The following TENM3 variants were observed in gnomAD, a reference collection of about 807,000 sequenced individuals.
TENM3 encodes teneurin-3.
TENM3 carries 63 observed loss-of-function variants against 255.1 expected under a neutral mutation model. The ratio of observed to expected loss-of-function variants is 0.25; its 90% confidence interval spans 0.20 to 0.30. The LOEUF (loss-of-function observed/expected upper bound fraction) is 0.30. TENM3 is among the 10% of genes least tolerant of loss of function. The pLI is 1.00. For missense variants in TENM3, 2,929 were observed against 3,461.1 expected (o/e 0.85, Z 3.86); for synonymous variants, 1,306 against 1,322.3 (o/e 0.99, Z 0.27).
intron 1 of TENM3, among the ~76,000 whole-genome samples, chr4:182,203,472 A>AT (rs981531629): frequency 4.6e-5 from 7 of 152,152 alleles, no homozygotes; most frequent in Non-Finnish European, 1.0e-4. Context: ...ATGCCTCATG[A>AT]TTTTTGGAGC....
At chr4:181,475,593 A>C in the TENM3 span, among the ~76,000 whole-genome samples, 1 of 152,186 alleles carries the variant, frequency 6.6e-6, no homozygotes, top group Admixed American at 6.5e-5. Context: ...CTGCTGAAAA[A>C]TAATCCTTTT....
At chr4:182,654,719 G>A (rs182897476) in intron 6 of TENM3, among the ~76,000 whole-genome samples, 1 of 152,108 alleles carries the variant, frequency 6.6e-6, no homozygotes, top group Admixed American at 6.5e-5. Flanking sequence ...TTCAGCTTTG[G>A]CATTAATATG....
chr4:182,724,381 GAAA>G (rs527707479), intron 13 of TENM3, among the ~76,000 whole-genome samples: 11 of 152,172 alleles, frequency 7.2e-5, no homozygotes, highest in Non-Finnish European at 1.3e-4. Flanking sequence ...ACCAAAAAAT[GAAA>G]AATGTTTTCT....
the TENM3 span, among the ~76,000 whole-genome samples, chr4:182,066,867 C>T: frequency 0.017 from 2,522 of 152,232 alleles, 58 homozygotes; most frequent in African/African-American, 0.053. Flanking sequence ...GCCGAGATCG[C>T]ACCGCTGCAC....
At chr4:182,526,833 T>C (rs1739242956) in intron 3 of TENM3, among the ~76,000 whole-genome samples, 1 of 152,216 alleles carries the variant, frequency 6.6e-6, no homozygotes, top group South Asian at 2.1e-4. Context: ...GCTGGCTTGT[T>C]GAATTGTGTG....
At chr4:181,918,804 G>A in the TENM3 span, among the ~76,000 whole-genome samples, 2 of 152,002 alleles carry the variant, frequency 1.3e-5, no homozygotes, top group Non-Finnish European at 2.9e-5. Context: ...TATATAAATT[G>A]ACAATCTCAA....
chr4:182,225,226 AATT>A (rs1402289447), intron 1 of TENM3, among the ~76,000 whole-genome samples: 1 of 152,136 alleles, frequency 6.6e-6, no homozygotes, highest in Non-Finnish European at 1.5e-5. Flanking sequence ...ATACGGCAGC[AATT>A]ATTGTTGTTT....
chr4:182,528,998 C>A (rs1011287329), intron 3 of TENM3, among the ~76,000 whole-genome samples: 14 of 152,192 alleles, frequency 9.2e-5, no homozygotes, highest in Admixed American at 9.2e-4. Flanking sequence ...AACGCATGAT[C>A]GTTCTCTGCT....
chr4:181,765,917 TAA>T, the TENM3 span, among the ~76,000 whole-genome samples: 1 of 152,208 alleles, frequency 6.6e-6, no homozygotes, highest in Non-Finnish European at 1.5e-5. Flanking sequence ...TAGAGTTTTA[TAA>T]AGTGTTAAGT....
the TENM3 span, among the ~76,000 whole-genome samples, chr4:181,544,408 T>TAAAAAAAAAAAAAAAAAAAAAAA: frequency 2.9e-4 from 20 of 68,666 alleles, 3 homozygotes; most frequent in African/African-American, 6.9e-4. Context: ...CCTTCAGGAT[T>TAAAAAAAAAAAAAAAAAAAAAAA]AAAAAAAAAA....
At position 182,228,392 on chromosome 4, in the gene TENM3, G is replaced by GTATATA. The variant is rs59926138; in HGVS notation, c.-76+83643_-76+83644insATATAT. On this transcript the variant is annotated intron_variant, in intron 1 of 2. Coordinates refer to the TENM3 transcript ENST00000512480. ...TGTGTGTGTGTGTGTGTGTGTGTGT[G>GTATATA]TATATGTAATCCCTCCCAGCTCTAA... Among the ~76,000 whole-genome samples the GTATATA allele has an allele frequency of 1.1e-3, 116 of 104,502 alleles. 17 individuals are homozygous for GTATATA. Among genetic ancestry groups the GTATATA allele is most frequent in the African/African-American group, 4.7e-3 (106 of 22,458 alleles). 68.6% of individuals were successfully genotyped at this position (104,502 alleles called of 152,430 possible). A position where few individuals can be genotyped will look rare whatever the true frequency, so the allele number is the denominator to read the frequency against.
chr4:182,038,285 G>A, the TENM3 span, among the ~76,000 whole-genome samples: 20 of 152,038 alleles, frequency 1.3e-4, no homozygotes, highest in East Asian at 7.7e-4. Flanking sequence ...AATGATTTCC[G>A]CTAACTAGGG....
At chr4:181,669,487 G>A in the TENM3 span, among the ~76,000 whole-genome samples, 1 of 152,002 alleles carries the variant, frequency 6.6e-6, no homozygotes, top group Non-Finnish European at 1.5e-5. Flanking sequence ...AGCTTATGTG[G>A]GGCATTCTTT....
the TENM3 span, among the ~76,000 whole-genome samples, chr4:181,789,480 C>G: frequency 6.6e-6 from 1 of 151,958 alleles, no homozygotes; most frequent in East Asian, 1.9e-4. Flanking sequence ...TGGTCTTGAA[C>G]TCCTGACCTC....
intron 6 of TENM3, among the ~76,000 whole-genome samples, chr4:182,672,492 T>G (rs910329930): frequency 5.9e-5 from 9 of 152,204 alleles, no homozygotes; most frequent in African/African-American, 2.2e-4. Context: ...CATCTGATGT[T>G]TTTCATTCAT....
the TENM3 span, among the ~76,000 whole-genome samples, chr4:182,095,250 C>A: frequency 4.5e-3 from 691 of 152,262 alleles, 3 homozygotes; most frequent in South Asian, 0.01. Context: ...GTACAATTCA[C>A]AATGGCCAAG....
the TENM3 span, among the ~76,000 whole-genome samples, chr4:181,971,091 G>A: frequency 2.6e-5 from 4 of 152,112 alleles, no homozygotes; most frequent in Non-Finnish European, 5.9e-5. Flanking sequence ...GGGATTATAG[G>A]CCTAAGCCAC....
the TENM3 span, among the ~76,000 whole-genome samples, chr4:181,513,261 A>C: frequency 6.6e-6 from 1 of 152,306 alleles, no homozygotes; most frequent in Non-Finnish European, 1.5e-5. Context: ...ATAATTACAA[A>C]AAAAAAATCA....
intron 1 of TENM3, among the ~76,000 whole-genome samples, chr4:182,159,733 G>A (rs1030001022): frequency 6.6e-6 from 1 of 152,182 alleles, no homozygotes; most frequent in Admixed American, 6.5e-5. Flanking sequence ...GCCCGTGGAT[G>A]GCCGGAGAAG....
Sources: gnomAD v4.1 joint callset for allele counts (sites outside exome capture counted in the v4.1 genomes callset) on GRCh38, gnomAD v4.1.1 for gene constraint, MANE v1.5 for transcripts, NCBI Gene and HGNC (gene_info 2026-07-23, HGNC 2026-07-21) for gene names.